Variants in RNF32 observed in about 807,000 individuals in gnomAD.
RNF32 encodes the protein ring finger protein 32.
A neutral mutation model predicts 41.0 loss-of-function variants in RNF32; 36 were observed. The ratio of observed to expected loss-of-function variants is 0.88; its 90% confidence interval spans 0.67 to 1.16. The LOEUF is 1.16. RNF32 is among the 50% of genes most tolerant of loss of function. RNF32 has a pLI of 0.00. For missense variants in RNF32, 413 were observed against 436.7 expected (o/e 0.95, Z 0.48); for synonymous variants, 154 against 160.9 (o/e 0.96, Z 0.32).
chr7:156,665,542 T>G (rs1295983555), intron 7 of RNF32, among the ~76,000 whole-genome samples: 3 of 152,268 alleles, frequency 2.0e-5, no homozygotes, highest in Non-Finnish European at 4.4e-5. Flanking sequence ...CCATTCTCAC[T>G]GTTGGTGAAC....
chr7:156,670,354 C>T lies in RNF32; in HGVS notation c.685-5342C>T, dbSNP rs1048046421. On this transcript the variant is annotated intron_variant, in intron 7 of 8. Coordinates refer to ENST00000317955, the MANE Select transcript of RNF32 (RefSeq NM_030936.4). The surrounding 1 kb of genome is among the most constrained non-coding windows in gnomAD (Gnocchi z 4.3). ...AGTCAGGTCTGCAAGGGGGGCCCTG[C>T]GTTTTGCATCCCCTGGAAAGCGGGT... Among the ~76,000 whole-genome samples, 3 of 152,306 alleles carry T rather than the reference C, an allele frequency of 2.0e-5. No individual in the cohort carries two copies. The highest frequency in any genetic ancestry group is 6.5e-5 in the Admixed American group (1 of 15,296).
intron 4 of RNF32, among the ~76,000 whole-genome samples, chr7:156,657,262 T>C (rs1799831618): frequency 6.6e-6 from 1 of 152,222 alleles, no homozygotes; most frequent in African/African-American, 2.4e-5. Flanking sequence ...GAAACTTTCA[T>C]TTTGTCATTG....
intron 3 of RNF32, among the ~76,000 whole-genome samples, chr7:156,648,706 C>A (rs1798304937): frequency 6.6e-6 from 1 of 152,142 alleles, no homozygotes; most frequent in East Asian, 1.9e-4. Flanking sequence ...TCTTTTCTTG[C>A]TGATTTACTG....
chr7:156,644,146 C>CA (rs1353746328), intron 2 of RNF32, among the ~76,000 whole-genome samples: 3 of 152,128 alleles, frequency 2.0e-5, no homozygotes, highest in African/African-American at 7.2e-5. Context: ...TAAGTTTTCA[C>CA]AAAAAGGCAT....
chr7:156,665,771 G>A (rs919900987), intron 7 of RNF32, among the ~76,000 whole-genome samples: 5 of 152,120 alleles, frequency 3.3e-5, no homozygotes, highest in African/African-American at 9.7e-5. Flanking sequence ...TGAACTATGA[G>A]AGAAATCTGG....
intron 3 of RNF32, among the ~76,000 whole-genome samples, chr7:156,649,156 C>CTT (rs760335985): frequency 2.7e-5 from 4 of 146,492 alleles, no homozygotes; most frequent in Non-Finnish European, 6.0e-5. Context: ...GACGTTTCCT[C>CTT]TTTTTTTTTT....
intron 6 of RNF32, 52 bp downstream of exon 6, chr7:156,658,304 C>T (rs1167587906): frequency 1.3e-6 from 2 of 1,597,708 alleles, no homozygotes; most frequent in Non-Finnish European, 1.7e-6. Context: ...CAGGCTATGA[C>T]AACTAACTTG....
chr7:156,659,045 T>C, intron 7 of RNF32: 2 of 1,406,540 alleles, frequency 1.4e-6, no homozygotes, highest in Admixed American at 3.3e-5. Context: ...CTAACTTCCA[T>C]GTCTACCCTT....
At chr7:156,657,379 C>A (rs1799868413) in intron 4 of RNF32, 162 bp from the exon 5 acceptor site, 2 of 665,966 alleles carry the variant, frequency 3.0e-6, no homozygotes, top group East Asian at 2.7e-5. Context: ...TATACTTGTG[C>A]TGTGCTAAAC....
At chr7:156,674,823 T>A (rs998136436) in intron 7 of RNF32, among the ~76,000 whole-genome samples, 1 of 152,364 alleles carries the variant, frequency 6.6e-6, no homozygotes, top group Admixed American at 6.5e-5. Context: ...CCAGAAATTT[T>A]AAAATTACAT....
chr7:156,640,845 A>G, intron 1 of RNF32, 34 bp downstream of exon 1: 1 of 195,024 alleles, frequency 5.1e-6, no homozygotes, highest in Non-Finnish European at 1.1e-5. Flanking sequence ...GACGGAAAGA[A>G]GGGTGGCCCG....
intron 7 of RNF32, among the ~76,000 whole-genome samples, chr7:156,666,758 G>A (rs1585079245): frequency 3.3e-5 from 5 of 151,976 alleles, no homozygotes; most frequent in Non-Finnish European, 5.9e-5. Flanking sequence ...GGTGTGTACA[G>A]AAAGTCCACA....
Position 156,641,479 on chromosome 7 carries a change from T to G in RNF32, c.-78+668T>G, listed in dbSNP as rs550183693. 3.7e-4 allele frequency among the ~76,000 whole-genome samples: 57 copies of G among 152,336 alleles called. 1 individual carries two copies. The highest frequency in any genetic ancestry group is 2.3e-3 in the South Asian group (11 of 4,824). Reference sequence around the variant, plus strand: ...AACCCTACCAGTGCCGCAGGCTCATTATATATTGAAGGACTCACCTGGTAT... The same window carrying G: ...AACCCTACCAGTGCCGCAGGCTCATGATATATTGAAGGACTCACCTGGTAT... On this transcript the variant is annotated intron_variant, in intron 1 of 8. Coordinates refer to ENST00000317955, the MANE Select transcript of RNF32 (RefSeq NM_030936.4).
At chr7:156,664,480 A>C (rs1801075853) in intron 7 of RNF32, among the ~76,000 whole-genome samples, 1 of 152,194 alleles carries the variant, frequency 6.6e-6, no homozygotes, top group African/African-American at 2.4e-5. Flanking sequence ...AGAAAGAAAA[A>C]GAAAAACACT....
chr7:156,652,353 T>C (rs1388545646), intron 3 of RNF32, among the ~76,000 whole-genome samples: 3 of 152,208 alleles, frequency 2.0e-5, no homozygotes, highest in Non-Finnish European at 4.4e-5. Flanking sequence ...CAGAAGCTCA[T>C]GTCCTTTGCT....
At chr7:156,642,489 G>A (rs1005224965) in intron 1 of RNF32, among the ~76,000 whole-genome samples, 2 of 152,244 alleles carry the variant, frequency 1.3e-5, no homozygotes, top group African/African-American at 4.8e-5. Context: ...ACAAACAGGA[G>A]CCACTTCTCA....
At chr7:156,675,345 T>G (rs1803624408) in intron 7 of RNF32, among the ~76,000 whole-genome samples, 1 of 152,194 alleles carries the variant, frequency 6.6e-6, no homozygotes, top group Non-Finnish European at 1.5e-5. Flanking sequence ...AGGAGGGTCC[T>G]GTGACCCACT....
Position 156,676,718 on chromosome 7 carries a change from C to G in RNF32, c.*63C>G. On this transcript the variant is annotated 3_prime_UTR_variant, in exon 9 of 9. Transcript: ENST00000317955. Reference sequence around the variant, plus strand: ...AAAGTTTACCATCATTTTGGATGAACTGCATGAGTTCTGGGTTAAGTACTA... The same window carrying G: ...AAAGTTTACCATCATTTTGGATGAAGTGCATGAGTTCTGGGTTAAGTACTA... 1 of 1,220,256 alleles carries G rather than the reference C, an allele frequency of 8.2e-7. No homozygotes were observed. Among genetic ancestry groups the G allele is most frequent in the Non-Finnish European group, 1.2e-6 (1 of 835,074 alleles). The allele number at this position is 1,220,256 out of a possible 1,614,324, so 75.6% of individuals were successfully genotyped here.
In RNF32 at chr7:156,654,650, T is replaced by G; in HGVS notation, c.349T>G (p.Ser117Ala). ...TGAATGGGAGAAGGTGAAACAGCGCTCTCTCCTGCAAGGGGACTCCGTGCA... is the reference window on the plus strand; with the variant it reads ...TGAATGGGAGAAGGTGAAACAGCGCGCTCTCCTGCAAGGGGACTCCGTGCA... ...SDEWEKVKQR[S>A]LLQGDSVQPC... Residue 117 changes from serine to alanine, a missense_variant, in exon 4 of 9, where the codon TCT (serine) becomes GCT (alanine). Physicochemically the swap from Ser to Ala is moderately conservative, Grantham distance 99. Transcript: ENST00000317955. The G allele has an allele frequency of 1.2e-6, 2 of 1,613,988 alleles. No homozygotes were observed. Among genetic ancestry groups the G allele is most frequent in the Non-Finnish European group, 1.7e-6 (2 of 1,179,876 alleles).
Sources: allele counts gnomAD v4.1 joint callset (sites outside exome capture counted in the v4.1 genomes callset), GRCh38; gene constraint gnomAD v4.1.1; non-coding constraint Gnocchi (gnomAD v3.1); transcripts MANE v1.5; gene names NCBI Gene and HGNC (gene_info 2026-07-23, HGNC 2026-07-21).